ODAD3: variants seen among roughly 807,000 people sequenced by gnomAD.
ODAD3 encodes the protein outer dynein arm docking complex subunit 3.
ODAD3 carries 57 observed loss-of-function variants against 70.9 expected under a neutral mutation model. The ratio of observed to expected loss-of-function variants is 0.80; its 90% CI spans 0.65 to 1.00. The LOEUF (loss-of-function observed/expected upper bound fraction) is 1.00. Among genes scored for constraint, ODAD3 ranks in the 50% least tolerant of loss-of-function variants. The probability of loss-of-function intolerance (pLI) is 0.00; values close to 1 mark genes in which losing one functional copy is unlikely to be tolerated. For missense variants in ODAD3, 797 were observed against 763.9 expected, an observed-to-expected ratio of 1.04 and a Z score of -0.51; for synonymous variants, 327 against 315.9, an observed-to-expected ratio of 1.04 and a Z score of -0.37.
upstream of ODAD3, chr19:11,435,282 C>A (rs1969650331): frequency 1.8e-6 from 2 of 1,113,632 alleles, no homozygotes; most frequent in South Asian, 1.7e-5. Context: ...CAACAGTGGG[C>A]GGGGTAGAGC....
chr19:11,426,327 T>C, intron 6 of ODAD3, 61 bp from the exon 7 acceptor site: 1 of 1,607,848 alleles, frequency 6.2e-7, no homozygotes, highest in Non-Finnish European at 8.5e-7. Flanking sequence ...CGCCGCAGGG[T>C]GCTGGGAGAT....
At chr19:11,425,293 G>A (rs1258749345) in intron 7 of ODAD3, among the ~76,000 whole-genome samples, 2 of 138,366 alleles carry the variant, frequency 1.4e-5, no homozygotes, top group African/African-American at 6.0e-5. Context: ...GTACATATGT[G>A]TATATATGTG....
In ODAD3 at chr19:11,422,982, G is replaced by T; in HGVS notation, c.1117-121C>A. On this transcript the variant is annotated intron_variant, in intron 8 of 12. Transcript: ENST00000356392. This position sits in a 1 kb window ranked among gnomAD's most constrained non-coding sequence, Gnocchi z 4.6. ...CAGGTGGCCTGAGCTGGCGCCTTTTGCACAGCAATGTATGGGGACACTGTG... is the reference window on the plus strand; with the variant it reads ...CAGGTGGCCTGAGCTGGCGCCTTTTTCACAGCAATGTATGGGGACACTGTG... 9.2e-7 allele frequency: 1 copy of T among 1,089,728 alleles called. No individual in the cohort carries two copies. Among genetic ancestry groups the T allele is most frequent in the Non-Finnish European group, 1.3e-6 (1 of 771,572 alleles). 67.5% of individuals were successfully genotyped at this position (1,089,728 alleles called of 1,614,324 possible). A position where few individuals can be genotyped will look rare whatever the true frequency, so the allele number is the denominator to read the frequency against.
chr19:11,420,640 C>T lies in ODAD3; in HGVS notation c.*195G>A, dbSNP rs1969107899. ...AACATTTATTGCGCAACTCTGAGGC[C>T]GGGGCGGACCCAGCTGGGGAGATTT... is the stretch of plus-strand genomic sequence containing the variant. On this transcript the variant is annotated 3_prime_UTR_variant, in exon 13 of 13. Transcript: ENST00000356392. 2 of 600,306 alleles carry T rather than the reference C, an allele frequency of 3.3e-6. No individual in the cohort carries two copies. The allele number at this position is 600,306 out of a possible 1,614,324, so 37.2% of individuals were successfully genotyped here.
chr19:11,425,623 A>ACG, intron 7 of ODAD3, among the ~76,000 whole-genome samples: 2 of 142,682 alleles, frequency 1.4e-5, no homozygotes, highest in African/African-American at 5.6e-5. Flanking sequence ...ATATGCATAT[A>ACG]TGCATATATG....
chr19:11,427,127 T>A, intron 3 of ODAD3, 87 bp from the exon 4 acceptor site: 1 of 1,401,254 alleles, frequency 7.1e-7, no homozygotes. Context: ...TCTCCCACAC[T>A]GTGGCTTCCA....
In ODAD3 at chr19:11,430,755, C is replaced by T; in HGVS notation, c.388G>A (p.Ala130Thr). The T allele has an allele frequency of 6.2e-7, 1 of 1,614,084 alleles. No individual in the cohort carries two copies. The highest frequency in any genetic ancestry group is 8.5e-7 in the Non-Finnish European group (1 of 1,180,020). Residue 130 changes from alanine to threonine, a missense_variant, in exon 3 of 13, where the codon GCA (alanine) becomes ACA (threonine). Physicochemically the swap from Ala to Thr is moderately conservative, Grantham distance 58. Coordinates refer to ENST00000356392, the MANE Select transcript of ODAD3 (RefSeq NM_145045.5). ...TCCCACTTCCATTCGCGAATCACTG[C>T]CTGGACCACTTTCTCATCTCCCTGC... ...LLKGDEKVVQAVIREWKWEKP... is the reference protein window; with the variant it reads ...LLKGDEKVVQTVIREWKWEKP...
intron 7 of ODAD3, 64 bp from the exon 8 acceptor site, chr19:11,424,093 G>A (rs1969206596): frequency 6.4e-7 from 1 of 1,563,268 alleles, no homozygotes; most frequent in South Asian, 1.1e-5. Context: ...AGGAGGCCGG[G>A]GAGGGGGATC....
At chr19:11,425,398 TA>T (rs1969317352) in intron 7 of ODAD3, among the ~76,000 whole-genome samples, 1 of 138,116 alleles carries the variant, frequency 7.2e-6, no homozygotes, top group South Asian at 2.1e-4. Context: ...CATATGTGTA[TA>T]TGTATATATA....
intron 3 of ODAD3, among the ~76,000 whole-genome samples, chr19:11,429,341 A>G (rs1969455325): frequency 6.6e-6 from 1 of 151,908 alleles, no homozygotes; most frequent in African/African-American, 2.4e-5. Flanking sequence ...ACTCCTGAGT[A>G]GCTGGGACTA....
rs1969347432 is a variant in ODAD3 at position 11,425,636 on chromosome 19, T to TACGCATATACGCATATACGCATATACGC, written c.963+507_963+508insGCGTATATGCGTATATGCGTATATGCGT. Reference sequence around the variant, plus strand: ...ATATATGCATATATGCATATATGTATATATATGTATATACGTATATATATA... The same window carrying TACGCATATACGCATATACGCATATACGC: ...ATATATGCATATATGCATATATGTATACGCATATACGCATATACGCATATACGCATATATGTATATACGTATATATATA... On this transcript the variant is annotated intron_variant, in intron 7 of 12. Coordinates refer to ENST00000356392, the MANE Select transcript of ODAD3 (RefSeq NM_145045.5). 2.9e-5 allele frequency among the ~76,000 whole-genome samples: 4 copies of TACGCATATACGCATATACGCATATACGC among 140,220 alleles called. 1 individual carries two copies. Among genetic ancestry groups the TACGCATATACGCATATACGCATATACGC allele is most frequent in the African/African-American group, 1.2e-4 (4 of 33,752 alleles). 92.0% of individuals were successfully genotyped at this position (140,220 alleles called of 152,430 possible).
intron 7 of ODAD3, among the ~76,000 whole-genome samples, chr19:11,425,258 T>TA (rs1370894328): frequency 7.0e-6 from 1 of 142,794 alleles, no homozygotes; most frequent in Non-Finnish European, 1.5e-5. Context: ...TATGTATATG[T>TA]ACATATGTGT....
chr19:11,425,567 G>GTATGTATGTATA (rs1969339814), intron 7 of ODAD3, among the ~76,000 whole-genome samples: 30 of 131,114 alleles, frequency 2.3e-4, no homozygotes, highest in African/African-American at 1.1e-3. Flanking sequence ...ATATATGTGT[G>GTATGTATGTATA]TATGTATGTA....
intron 1 of ODAD3, among the ~76,000 whole-genome samples, chr19:11,432,252 T>A (rs1445278636): frequency 1.3e-5 from 2 of 152,150 alleles, no homozygotes; most frequent in African/African-American, 4.8e-5. Context: ...TGTATTTTCT[T>A]TTCTTTTCTT....
Position 11,426,936 on chromosome 19 carries a change from C to G in ODAD3, c.549G>C (p.Leu183=), listed in dbSNP as rs763677741. The change falls in exon 4 of 13, where the codon CTG becomes CTC. Residue 183 remains leucine (L), a synonymous_variant. Transcript: ENST00000356392. ...LRQRRLEELQ[L]QHSLRLLEMA... ...TCTCCAGAAGGCGCAGGCTGTGCTGCAGCTGGAGCTCCTCCAGCCGCCTCT... is the reference window on the plus strand; with the variant it reads ...TCTCCAGAAGGCGCAGGCTGTGCTGGAGCTGGAGCTCCTCCAGCCGCCTCT... 2.5e-6 allele frequency: 4 copies of G among 1,609,682 alleles called. No individual in the cohort carries two copies. In the East Asian group the frequency reaches 8.9e-5, roughly 36 times the overall value.
rs201339312 is a variant in ODAD3 at position 11,430,902 on chromosome 19, G to C, written c.363C>G (p.Leu121=). ...CACCCACCCCTTTGCCCCTTACCTT[G>C]AGCAGGTCCAGCAGCTTTAGTTCCA... ...KALELKLLDL[L]KGDEKVVQAV... Residue 121 remains leucine (L), a synonymous_variant, in exon 2 of 13, where the codon CTC becomes CTG. Transcript: ENST00000356392. 1.2e-6 allele frequency: 2 copies of C among 1,614,048 alleles called. No homozygotes were observed. Among genetic ancestry groups the C allele is most frequent in the African/African-American group, 2.7e-5 (2 of 75,020 alleles).
chr19:11,422,954 G>A lies in ODAD3; in HGVS notation c.1117-93C>T. The stretch of plus-strand genomic sequence containing the variant: ...CCCACCCTGCGAACCCTCGCACGCA[G>A]GACAGGTGGCCTGAGCTGGCGCCTT... On this transcript the variant is annotated intron_variant, in intron 8 of 12. Coordinates refer to ENST00000356392, the MANE Select transcript of ODAD3 (RefSeq NM_145045.5). The surrounding 1 kb of genome is among the most constrained non-coding windows in gnomAD (Gnocchi z 4.6). 3 of 1,435,742 alleles carry A rather than the reference G, an allele frequency of 2.1e-6. No homozygotes were observed. Among genetic ancestry groups the A allele is most frequent in the East Asian group, 2.4e-5 (1 of 42,514 alleles). The allele number at this position is 1,435,742 out of a possible 1,614,324, so 88.9% of individuals were successfully genotyped here. A position where few individuals can be genotyped will look rare whatever the true frequency, so the allele number is the denominator to read the frequency against.
chr19:11,433,024 C>T (rs1427932721), intron 1 of ODAD3, among the ~76,000 whole-genome samples: 2 of 151,166 alleles, frequency 1.3e-5, no homozygotes, highest in African/African-American at 4.9e-5. Context: ...AAACTCCTGA[C>T]CTCAAATGAT....
Position 11,421,824 on chromosome 19 carries a change from G to T in ODAD3, c.1443C>A (p.Gly481=), listed in dbSNP as rs1969142401. The change falls in exon 11 of 13, where the codon GGC becomes GGA. Residue 481 remains glycine (G), a synonymous_variant. Coordinates refer to ENST00000356392, the MANE Select transcript of ODAD3 (RefSeq NM_145045.5). ...GATCCAGCTCCTTTCCCGCGAAGCG[G>T]CCGTCCTCCTGCGGCCAGGGTAGAG... ...SKLIHITVED[G]RFAGKELDPQ... is the part of the protein sequence containing the mutation. 1 of 1,612,240 alleles carries T rather than the reference G, an allele frequency of 6.2e-7. No homozygotes were observed. Among genetic ancestry groups the T allele is most frequent in the Non-Finnish European group, 8.5e-7 (1 of 1,179,376 alleles).
Sources: allele counts gnomAD v4.1 joint callset (sites outside exome capture counted in the v4.1 genomes callset), GRCh38; gene constraint gnomAD v4.1.1; non-coding constraint Gnocchi (gnomAD v3.1); transcripts MANE v1.5; gene names NCBI Gene and HGNC (gene_info 2026-07-23, HGNC 2026-07-21).